The following CECR2 variants were observed in gnomAD, a reference collection of about 807,000 sequenced individuals.
CECR2 encodes CECR2 histone acetyl-lysine reader.
Under a neutral mutation model 154.5 loss-of-function variants are expected in CECR2, and 30 were observed. That is an observed-to-expected ratio of 0.19 (90% CI 0.15 to 0.26). The LOEUF (loss-of-function observed/expected upper bound fraction) is 0.26, where lower values mean the gene tolerates loss of function less well. CECR2 is among the 10% of genes least tolerant of loss of function. The probability of loss-of-function intolerance (pLI) is 1.00; values close to 1 mark genes in which losing one functional copy is unlikely to be tolerated. For missense variants in CECR2, 1,743 were observed against 1,829.3 expected, an observed-to-expected ratio of 0.95 and a Z score of 0.86; for synonymous variants, 725 against 683.7, an observed-to-expected ratio of 1.06 and a Z score of -0.94.
At chr22:17,397,535 T>C (rs1328622552) in intron 1 of CECR2, among the ~76,000 whole-genome samples, 2 of 152,084 alleles carry the variant, frequency 1.3e-5, no homozygotes, top group African/African-American at 2.4e-5. Context: ...TCTCACTCTT[T>C]TGCCCAGGTC....
At chr22:17,476,232 C>T (rs140724918) in intron 1 of CECR2, among the ~76,000 whole-genome samples, 1 of 151,024 alleles carries the variant, frequency 6.6e-6, no homozygotes, top group Non-Finnish European at 1.5e-5. Context: ...GCTCCCATAG[C>T]GTGTTTTCTG....
chr22:17,548,014 G>T, intron 16 of CECR2, 134 bp from the exon 17 acceptor site: 2 of 803,260 alleles, frequency 2.5e-6, no homozygotes, highest in Non-Finnish European at 3.8e-6. Context: ...CTCTTTCAGG[G>T]ACTCAAACAA....
At chr22:17,366,909 G>C (rs1352730438), upstream of CECR2, among the ~76,000 whole-genome samples, 1 of 152,190 alleles carries the variant, frequency 6.6e-6, no homozygotes, top group African/African-American at 2.4e-5. Flanking sequence ...GAGTAGCAGG[G>C]TAGGTGGAGG....
intron 7 of CECR2, among the ~76,000 whole-genome samples, chr22:17,507,814 C>G (rs948090890): frequency 6.6e-6 from 1 of 152,030 alleles, no homozygotes; most frequent in Non-Finnish European, 1.5e-5. Flanking sequence ...GTTCAAAAAC[C>G]TCAATGAAGT....
intron 1 of CECR2, among the ~76,000 whole-genome samples, chr22:17,476,635 G>A (rs897082895): frequency 4.0e-4 from 61 of 152,234 alleles, no homozygotes; most frequent in African/African-American, 1.3e-3. Flanking sequence ...TTTCAGAACC[G>A]TTAATAAGAT....
At chr22:17,551,623 C>T (rs2056709649) in intron 17 of CECR2, among the ~76,000 whole-genome samples, 1 of 151,954 alleles carries the variant, frequency 6.6e-6, no homozygotes, top group African/African-American at 2.4e-5. Context: ...CCAGCCTCGG[C>T]AACATAGTGA....
chr22:17,393,672 A>G (rs1021709505), intron 1 of CECR2, among the ~76,000 whole-genome samples: 1 of 152,178 alleles, frequency 6.6e-6, no homozygotes, highest in Non-Finnish European at 1.5e-5. Flanking sequence ...AACACTTATT[A>G]TCTGACTGGT....
intron 1 of CECR2, among the ~76,000 whole-genome samples, chr22:17,362,988 C>T (rs1315921838): frequency 6.6e-6 from 1 of 151,030 alleles, no homozygotes; most frequent in African/African-American, 2.4e-5. Flanking sequence ...CTTTTGATAA[C>T]CCTGGTCTCC....
intron 1 of CECR2, among the ~76,000 whole-genome samples, chr22:17,408,293 T>C (rs2054015934): frequency 1.3e-5 from 2 of 151,324 alleles, no homozygotes; most frequent in Middle Eastern, 3.4e-3. Context: ...TTTGTGGTGC[T>C]CTGGAAAGAA....
intron 9 of CECR2, among the ~76,000 whole-genome samples, chr22:17,536,281 G>A (rs1186367546): frequency 6.6e-6 from 1 of 152,060 alleles, no homozygotes; most frequent in East Asian, 1.9e-4. Flanking sequence ...AGAAAATAGA[G>A]GCTCTTGCTG....
In CECR2 at chr22:17,515,663, G is replaced by T. The variant is rs191387873; in HGVS notation, c.954+3767G>T. On this transcript the variant is annotated intron_variant, in intron 8 of 18. Coordinates refer to ENST00000262608, the MANE Select transcript of CECR2 (RefSeq NM_001290047.2). The stretch of plus-strand genomic sequence containing the variant: ...ATACAATAAAAGCTGTTTATAATTT[G>T]CTGCACTACCAACCTTTTTTTTTTT... Among the ~76,000 whole-genome samples, 53 of 151,702 alleles carry T rather than the reference G, an allele frequency of 3.5e-4. 1 individual carries two copies. In the Middle Eastern group the frequency reaches 0.01, roughly 29 times the overall value.
Position 17,552,019 on chromosome 22 carries a change from T to C in CECR2, c.4278-12T>C, listed in dbSNP as rs751901546. The C allele has an allele frequency of 1.9e-6, 3 of 1,612,506 alleles. No individual in the cohort carries two copies. Among genetic ancestry groups the C allele is most frequent in the South Asian group, 1.1e-5 (1 of 91,058 alleles). On this transcript the variant is annotated splice_polypyrimidine_tract_variant and intron_variant, in intron 17 of 18. Coordinates refer to ENST00000262608, the MANE Select transcript of CECR2 (RefSeq NM_001290047.2). ...TCATTAATTCTTCATTGCTTCTTTC[T>C]CGTGGCTGTAGAATGCAGATGCACC...
intron 2 of CECR2, among the ~76,000 whole-genome samples, chr22:17,485,629 T>TG (rs969307671): frequency 1.3e-5 from 2 of 151,824 alleles, no homozygotes; most frequent in African/African-American, 4.8e-5. Context: ...CAAAAATTAG[T>TG]GGGGTACAGT....
intron 1 of CECR2, among the ~76,000 whole-genome samples, chr22:17,397,175 C>T (rs1242161563): frequency 1.3e-5 from 2 of 151,712 alleles, no homozygotes; most frequent in East Asian, 1.9e-4. Context: ...CTGGCTCTGT[C>T]GCCCAGGCTG....
chr22:17,521,495 A>T (rs1483253118), intron 8 of CECR2, among the ~76,000 whole-genome samples: 1 of 150,004 alleles, frequency 6.7e-6, no homozygotes, highest in Non-Finnish European at 1.5e-5. Flanking sequence ...ACTGCACTCC[A>T]GCCTGGGTGA....
At chr22:17,449,279 C>T (rs1156685029) in intron 1 of CECR2, among the ~76,000 whole-genome samples, 1 of 152,018 alleles carries the variant, frequency 6.6e-6, no homozygotes, top group Non-Finnish European at 1.5e-5. Flanking sequence ...ACAAACTCTG[C>T]CTCCCGTGCT....
chr22:17,542,478 G>A lies in CECR2; in HGVS notation c.2335G>A (p.Gly779Ser). Reference sequence around the variant, plus strand: ...CTCTGCCGTCTGGAATGGGAACCATGGTGCTACGAACCAAGGACCCTTGGG... The same window carrying A: ...CTCTGCCGTCTGGAATGGGAACCATAGTGCTACGAACCAAGGACCCTTGGG... Reference protein sequence around the residue: ...VHSAVWNGNHGATNQGPLGPD... With the variant: ...VHSAVWNGNHSATNQGPLGPD... The change falls in exon 16 of 19, where the codon GGT becomes AGT. Residue 779 changes from glycine (G) to serine (S), a missense_variant. Physicochemically the swap from Gly to Ser is moderately conservative, Grantham distance 56. Coordinates refer to ENST00000262608, the MANE Select transcript of CECR2 (RefSeq NM_001290047.2). 6.2e-7 allele frequency: 1 copy of A among 1,613,964 alleles called. No homozygotes were observed. The highest frequency in any genetic ancestry group is 8.5e-7 in the Non-Finnish European group (1 of 1,179,864).
intron 4 of CECR2, among the ~76,000 whole-genome samples, chr22:17,500,220 A>G (rs1051942972): frequency 6.7e-6 from 1 of 148,950 alleles, no homozygotes; most frequent in East Asian, 1.9e-4. Context: ...AAAAAAAAAA[A>G]AAAAAAAGAA....
At chr22:17,477,049 A>AAATATTT in intron 1 of CECR2, 1 of 709,434 alleles carries the variant, frequency 1.4e-6, no homozygotes, top group Non-Finnish European at 2.6e-6. Flanking sequence ...TTCATCAGCC[A>AAATATTT]TGTAGGTGTG....
Sources: gnomAD v4.1 joint callset for allele counts (sites outside exome capture counted in the v4.1 genomes callset) on GRCh38, gnomAD v4.1.1 for gene constraint, MANE v1.5 for transcripts, NCBI Gene and HGNC (gene_info 2026-07-23, HGNC 2026-07-21) for gene names.